PSMD3: variants seen among roughly 807,000 people sequenced by gnomAD.
PSMD3 encodes 26S proteasome non-ATPase regulatory subunit 3.
In PSMD3, 5 loss-of-function variants were observed where a neutral mutation model predicts 62.8. That is an observed-to-expected ratio of 0.08 (90% confidence interval 0.04 to 0.17). The LOEUF is 0.17. Ranked by LOEUF, PSMD3 falls within the 10% of genes least tolerant of loss-of-function variation. The pLI, the probability that PSMD3 is intolerant of heterozygous loss-of-function variation, is 1.00. For synonymous variants in PSMD3, 265 were observed against 283.9 expected (o/e 0.93, Z 0.67); for missense variants, 524 against 713.6 (o/e 0.73, Z 3.03).
chr17:39,996,174 G>T lies in PSMD3; in HGVS notation c.1321-9G>T. The T allele has an allele frequency of 6.2e-7, 1 of 1,613,770 alleles. No homozygotes were observed. Among genetic ancestry groups the T allele is most frequent in the Non-Finnish European group, 8.5e-7 (1 of 1,179,954 alleles). On this transcript the variant is annotated splice_polypyrimidine_tract_variant and intron_variant, in intron 9 of 11. Transcript: ENST00000264639. The surrounding 1 kb of genome is among the most constrained non-coding windows in gnomAD (Gnocchi z 5.1). The stretch of plus-strand genomic sequence containing the variant: ...GTGCTGGTGAACTTTCCTCTTTGGG[G>T]GCCTGCAGGCCATCCGGGATGGTGT...
rs755192717 is a variant in PSMD3 at position 39,995,454 on chromosome 17, G to A, written c.1247G>A (p.Arg416Gln). ...GVRMISLSYS[R>Q]ISLADIAQKL... Reference sequence around the variant, plus strand: ...CGCATGATCAGCCTCTCCTATTCCCGAATCTCCTTGGCTGACATCGCCCAG... The same window carrying A: ...CGCATGATCAGCCTCTCCTATTCCCAAATCTCCTTGGCTGACATCGCCCAG... Residue 416 changes from arginine (R) to glutamine (Q), a missense_variant, in exon 9 of 12, where the codon CGA becomes CAA. This residue lies in a region of PSMD3 where 32 missense variants were observed against 85.4 expected (regional missense o/e 0.37). Transcript: ENST00000264639. The surrounding 1 kb of genome is among the most constrained non-coding windows in gnomAD (Gnocchi z 4.1). 5.0e-6 allele frequency: 8 copies of A among 1,613,866 alleles called. No homozygotes were observed. Among genetic ancestry groups the A allele is most frequent in the Non-Finnish European group, 6.8e-6 (8 of 1,179,972 alleles).
At chr17:39,990,681 C>T (rs1332053932) in intron 6 of PSMD3, among the ~76,000 whole-genome samples, 2 of 152,168 alleles carry the variant, frequency 1.3e-5, no homozygotes, top group Non-Finnish European at 2.9e-5. Flanking sequence ...GTGTTTCTGG[C>T]AGATAGGTTT....
At chr17:39,984,220 A>AG in intron 1 of PSMD3, 74 bp from the exon 2 acceptor site, 1 of 921,986 alleles carries the variant, frequency 1.1e-6, no homozygotes. Flanking sequence ...AAAAAAAAAA[A>AG]AAGAACTCCT....
chr17:39,992,665 A>G (rs1317214103), intron 6 of PSMD3, among the ~76,000 whole-genome samples: 5 of 151,946 alleles, frequency 3.3e-5, no homozygotes, highest in African/African-American at 4.8e-5. Flanking sequence ...CAGCTTCACT[A>G]CCTGTGTTTT....
In PSMD3 at chr17:39,995,789, G is replaced by A. The variant is rs1359301707; in HGVS notation, c.1320+262G>A. On this transcript the variant is annotated intron_variant, in intron 9 of 11. Transcript: ENST00000264639. This position sits in a 1 kb window ranked among gnomAD's most constrained non-coding sequence, Gnocchi z 4.1. Reference sequence around the variant, plus strand: ...GTGTGAGAATATAAGGAGGGCAGAGGAATGGGATGGAACAAGATGTTCTCT... The same window carrying A: ...GTGTGAGAATATAAGGAGGGCAGAGAAATGGGATGGAACAAGATGTTCTCT... The A allele has an allele frequency of 9.4e-6, 5 of 529,478 alleles. No individual in the cohort carries two copies. The highest frequency in any genetic ancestry group is 5.2e-4 in the Middle Eastern group (1 of 1,918). 32.8% of individuals were successfully genotyped at this position (529,478 alleles called of 1,614,324 possible). A position where few individuals can be genotyped will look rare whatever the true frequency, so the allele number is the denominator to read the frequency against.
chr17:39,990,686 A>G (rs1292345976), intron 6 of PSMD3, among the ~76,000 whole-genome samples: 1 of 152,174 alleles, frequency 6.6e-6, no homozygotes, highest in African/African-American at 2.4e-5. Flanking sequence ...TCTGGCAGAT[A>G]GGTTTAGAAT....
At chr17:39,993,118 G>A (rs1022581428) in intron 6 of PSMD3, 4 of 152,148 alleles carry the variant, frequency 2.6e-5, no homozygotes, top group African/African-American at 9.7e-5. Context: ...GACACGATTG[G>A]TTTCTTCTGA....
intron 2 of PSMD3, among the ~76,000 whole-genome samples, chr17:39,985,488 A>G (rs1406265967): frequency 6.6e-6 from 1 of 152,184 alleles, no homozygotes; most frequent in Non-Finnish European, 1.5e-5. Context: ...ACCTCTCCTT[A>G]TCCTCTGTAG....
At chr17:39,983,434 C>T (rs1980435466) in intron 1 of PSMD3, among the ~76,000 whole-genome samples, 1 of 152,018 alleles carries the variant, frequency 6.6e-6, no homozygotes, top group African/African-American at 2.4e-5. Flanking sequence ...GCTATTTTTC[C>T]TCTTTGTATG....
At position 39,995,379 on chromosome 17, in the gene PSMD3, G is replaced by A; in HGVS notation, c.1217-45G>A. The A allele has an allele frequency of 6.2e-7, 1 of 1,612,752 alleles. No homozygotes were observed. The highest frequency in any genetic ancestry group is 8.5e-7 in the Non-Finnish European group (1 of 1,178,828). On this transcript the variant is annotated intron_variant, in intron 8 of 11. Coordinates refer to ENST00000264639, the MANE Select transcript of PSMD3 (RefSeq NM_002809.4). The surrounding 1 kb of genome is among the most constrained non-coding windows in gnomAD (Gnocchi z 4.1). ...AGTGGGTATCCTTGGGCAAGTGAAG[G>A]GTCTGTGTCCACTCTGCCCACCCCA...
rs1421896574 is a variant in PSMD3 at position 39,995,812 on chromosome 17, T to A, written c.1320+285T>A. 1 of 509,056 alleles carries A rather than the reference T, an allele frequency of 2.0e-6. No homozygotes were observed. Among genetic ancestry groups the A allele is most frequent in the Middle Eastern group, 5.5e-4 (1 of 1,828 alleles). 31.5% of individuals were successfully genotyped at this position (509,056 alleles called of 1,614,324 possible). On this transcript the variant is annotated intron_variant, in intron 9 of 11. Transcript: ENST00000264639. The surrounding 1 kb of genome is among the most constrained non-coding windows in gnomAD (Gnocchi z 4.1). ...AGGAATGGGATGGAACAAGATGTTC[T>A]CTGACTTAGAAGATGGGCGTGCTGG... is the stretch of plus-strand genomic sequence containing the variant.
chr17:39,988,198 C>T (rs1980571535), intron 3 of PSMD3, among the ~76,000 whole-genome samples: 1 of 152,152 alleles, frequency 6.6e-6, no homozygotes, highest in Non-Finnish European at 1.5e-5. Flanking sequence ...TTCATCACCC[C>T]ACAAAGAAAC....
chr17:39,997,154 C>T (rs1430520307), intron 10 of PSMD3, among the ~76,000 whole-genome samples, 176 bp from the exon 11 acceptor site: 1 of 152,194 alleles, frequency 6.6e-6, no homozygotes, highest in Non-Finnish European at 1.5e-5. Context: ...CAGCATTTCC[C>T]ACAGGGCACT....
rs762202687 is a variant in PSMD3 at position 39,996,368 on chromosome 17, C to T, written c.1476+30C>T. 5 of 1,606,084 alleles carry T rather than the reference C, an allele frequency of 3.1e-6. No homozygotes were observed. The highest frequency in any genetic ancestry group is 3.4e-6 in the Non-Finnish European group (4 of 1,175,442). On this transcript the variant is annotated intron_variant, in intron 10 of 11. Coordinates refer to ENST00000264639, the MANE Select transcript of PSMD3 (RefSeq NM_002809.4). The surrounding 1 kb of genome is among the most constrained non-coding windows in gnomAD (Gnocchi z 5.1). ...GAAGCCCGTGGCTGCAGAGTCACGC[C>T]TGGCAGCAGCACACCCCTCCCTCCA... is the stretch of plus-strand genomic sequence containing the variant.
At chr17:39,989,993 C>T in intron 5 of PSMD3, 64 bp downstream of exon 5, 6 of 1,581,008 alleles carry the variant, frequency 3.8e-6, no homozygotes, top group Non-Finnish European at 4.3e-6. Flanking sequence ...GCAAATTTTC[C>T]AAGGGGTGGT....
At chr17:39,983,841 T>C (rs1268612132) in intron 1 of PSMD3, among the ~76,000 whole-genome samples, 1 of 152,182 alleles carries the variant, frequency 6.6e-6, no homozygotes, top group East Asian at 1.9e-4. Flanking sequence ...CTGTAAATAT[T>C]ATGGACCCCA....
At chr17:39,984,199 CAAAAAAAAAAA>C in intron 1 of PSMD3, 84 bp from the exon 2 acceptor site, 18 of 318,990 alleles carry the variant, frequency 5.6e-5, no homozygotes, top group East Asian at 3.2e-4. Flanking sequence ...GACTCCGTCT[CAAAAAAAAAAA>C]AAAAAAAAAA....
At position 39,995,354 on chromosome 17, in the gene PSMD3, A is replaced by G. The variant is rs545920644; in HGVS notation, c.1216+59A>G. 76 of 1,613,762 alleles carry G rather than the reference A, an allele frequency of 4.7e-5. No individual in the cohort carries two copies. The highest frequency in any genetic ancestry group is 6.0e-5 in the Non-Finnish European group (71 of 1,179,738). Reference sequence around the variant, plus strand: ...GCAGAAGCCAGGCCAGGGCAAACCTAGTGGGTATCCTTGGGCAAGTGAAGG... The same window carrying G: ...GCAGAAGCCAGGCCAGGGCAAACCTGGTGGGTATCCTTGGGCAAGTGAAGG... On this transcript the variant is annotated intron_variant, in intron 8 of 11. Transcript: ENST00000264639. This position sits in a 1 kb window ranked among gnomAD's most constrained non-coding sequence, Gnocchi z 4.1.
chr17:39,986,753 G>C, intron 3 of PSMD3, 41 bp downstream of exon 3: 2 of 1,606,512 alleles, frequency 1.2e-6, no homozygotes, highest in Non-Finnish European at 1.7e-6. Context: ...AGCCCCAAGT[G>C]ATGCAAGGGG....
Sources: allele counts gnomAD v4.1 joint callset (sites outside exome capture counted in the v4.1 genomes callset), GRCh38; gene constraint gnomAD v4.1.1; regional missense constraint gnomAD v4.1.1; non-coding constraint Gnocchi (gnomAD v3.1); transcripts MANE v1.5; gene names NCBI Gene and HGNC (gene_info 2026-07-23, HGNC 2026-07-21).